Variants in XKR4 observed in about 807,000 individuals in gnomAD.
XKR4 encodes XK-related protein 4.
A neutral mutation model predicts 53.9 loss-of-function variants in XKR4; 12 were observed. The observed-to-expected ratio is 0.22, with a 90% confidence interval of 0.14 to 0.36. The LOEUF is 0.36. Among genes scored for constraint, XKR4 ranks in the 10% least tolerant of loss-of-function variants. The pLI, the probability that XKR4 is intolerant of heterozygous loss-of-function variation, is 1.00. For synonymous variants in XKR4, 354 were observed against 362.4 expected, an observed-to-expected ratio of 0.98 and a Z score of 0.26; for missense variants, 799 against 859.5, an observed-to-expected ratio of 0.93 and a Z score of 0.88.
rs1585598479 is a variant in XKR4, at chr8:55,481,160, T to C, written c.1007-42121T>C. 2.0e-5 allele frequency among the ~76,000 whole-genome samples: 3 copies of C among 150,466 alleles called. 1 individual carries two copies. On this transcript the variant is annotated intron_variant, in intron 2 of 2. Coordinates refer to ENST00000327381, the MANE Select transcript of XKR4 (RefSeq NM_052898.2). ...CTGACTTCAAACTATACTACAAGGC[T>C]ACAGTAAACAAAACAGCATGGTACT...
intron 1 of XKR4, among the ~76,000 whole-genome samples, chr8:55,198,611 A>G (rs964984233): frequency 2.0e-5 from 3 of 152,138 alleles, no homozygotes; most frequent in Admixed American, 1.3e-4. Flanking sequence ...TACACTTGTC[A>G]TCAGTTAGAA....
chr8:55,336,745 T>C (rs1803466785), intron 1 of XKR4, among the ~76,000 whole-genome samples: 1 of 152,198 alleles, frequency 6.6e-6, no homozygotes, highest in East Asian at 1.9e-4. Flanking sequence ...GGGAGAAAGA[T>C]ATTCCAGAGT....
chr8:55,204,957 C>T (rs1034972151), intron 1 of XKR4, among the ~76,000 whole-genome samples: 1 of 152,092 alleles, frequency 6.6e-6, no homozygotes, highest in Non-Finnish European at 1.5e-5. Flanking sequence ...CTGGGTGGGC[C>T]CTTGGTGCCT....
At chr8:55,161,703 G>A (rs903708507) in intron 1 of XKR4, 2 of 445,848 alleles carry the variant, frequency 4.5e-6, no homozygotes, top group Admixed American at 4.8e-5. Context: ...TGGTCACTGA[G>A]CAATTCCTCC....
intron 1 of XKR4, among the ~76,000 whole-genome samples, chr8:55,350,708 AGAGAT>A (rs1803712141): frequency 6.6e-6 from 1 of 151,080 alleles, no homozygotes; most frequent in Non-Finnish European, 1.5e-5. Context: ...TAGTGGATAT[AGAGAT>A]TATGTTTTCT....
chr8:55,186,957 G>C (rs958653827), intron 1 of XKR4, among the ~76,000 whole-genome samples: 1 of 151,942 alleles, frequency 6.6e-6, no homozygotes, highest in Non-Finnish European at 1.5e-5. Flanking sequence ...TATGATGGAA[G>C]ATAAACCTCT....
intron 1 of XKR4, among the ~76,000 whole-genome samples, chr8:55,249,877 C>A (rs1167950943): frequency 6.6e-6 from 1 of 152,094 alleles, no homozygotes; most frequent in Non-Finnish European, 1.5e-5. Flanking sequence ...TTAAATAGCA[C>A]CATTTGATTT....
At chr8:55,263,664 A>G (rs1818560063) in intron 1 of XKR4, among the ~76,000 whole-genome samples, 1 of 152,210 alleles carries the variant, frequency 6.6e-6, no homozygotes, top group East Asian at 1.9e-4. Flanking sequence ...CTGTATTCCA[A>G]TATATTGTGC....
chr8:55,189,973 T>A (rs2129360867), intron 1 of XKR4, among the ~76,000 whole-genome samples: 1 of 152,376 alleles, frequency 6.6e-6, no homozygotes. Context: ...CAGAAAGGTA[T>A]TCCTGAATTG....
intron 1 of XKR4, among the ~76,000 whole-genome samples, chr8:55,284,799 G>A (rs976860704): frequency 6.6e-6 from 1 of 152,170 alleles, no homozygotes; most frequent in African/African-American, 2.4e-5. Context: ...TCCACCTTCT[G>A]AGGGAGGATT....
chr8:55,149,500 G>T (rs998242594), intron 1 of XKR4, among the ~76,000 whole-genome samples: 1 of 152,174 alleles, frequency 6.6e-6, no homozygotes, highest in African/African-American at 2.4e-5. Flanking sequence ...GTGGTGGGGA[G>T]CCTTTGGCAT....
chr8:55,324,500 C>G (rs1417456398), intron 1 of XKR4, among the ~76,000 whole-genome samples: 1 of 152,204 alleles, frequency 6.6e-6, no homozygotes, highest in East Asian at 1.9e-4. Context: ...TTATTATCCT[C>G]TGAAGTACAC....
intron 1 of XKR4, among the ~76,000 whole-genome samples, chr8:55,266,369 C>G (rs920934850): frequency 1.1e-4 from 16 of 151,996 alleles, no homozygotes; most frequent in Admixed American, 9.8e-4. Flanking sequence ...CTGTCTCTGT[C>G]TTAGTGCATT....
In XKR4 at chr8:55,524,093, T is replaced by G; in HGVS notation, c.1819T>G (p.Trp607Gly). ...IDLFRNRYPA[W>G]ERHVLDRSLR... ...CTTGTTCAGGAATAGGTACCCAGCA[T>G]GGGAGAGACATGTTTTGGACCGAAG... The change falls in exon 3 of 3, where the codon TGG (tryptophan) becomes GGG (glycine). Residue 607 changes from tryptophan (W) to glycine (G), a missense_variant. Physicochemically the swap from Trp to Gly is radical, Grantham distance 184. Coordinates refer to ENST00000327381, the MANE Select transcript of XKR4 (RefSeq NM_052898.2). 6.2e-7 allele frequency: 1 copy of G among 1,614,246 alleles called. No homozygotes were observed. Among genetic ancestry groups the G allele is most frequent in the Non-Finnish European group, 8.5e-7 (1 of 1,180,048 alleles).
At chr8:55,504,192 G>GTTTTA (rs752619991) in intron 2 of XKR4, among the ~76,000 whole-genome samples, 1 of 89,422 alleles carries the variant, frequency 1.1e-5, no homozygotes, top group South Asian at 3.8e-4. Flanking sequence ...TGTTGTTTTT[G>GTTTTA]TTTTGTTTTG....
At chr8:55,355,506 T>C (rs762654470) in intron 1 of XKR4, among the ~76,000 whole-genome samples, 1 of 152,164 alleles carries the variant, frequency 6.6e-6, no homozygotes, top group East Asian at 1.9e-4. Context: ...AGCTATATAA[T>C]GAAGATACAT....
rs1707412795 is a variant in XKR4 at position 55,448,940 on chromosome 8, T to C, written c.1007-74341T>C. Among the ~76,000 whole-genome samples the C allele has an allele frequency of 2.6e-5, 4 of 152,218 alleles. No homozygotes were observed. In the South Asian group the frequency reaches 6.2e-4, roughly 24 times the overall value. ...TAAGCAACTGCCTGTAGCTCTGTGA[T>C]TGAGGCCTTACATATCTAAAAGAGC... On this transcript the variant is annotated intron_variant, in intron 2 of 2. Transcript: ENST00000327381.
chr8:55,349,595 C>A (rs1398112434), intron 1 of XKR4, among the ~76,000 whole-genome samples: 2 of 152,070 alleles, frequency 1.3e-5, no homozygotes, highest in East Asian at 3.9e-4. Flanking sequence ...TGAGGATCAG[C>A]GCCTGAAAAA....
intron 1 of XKR4, among the ~76,000 whole-genome samples, chr8:55,277,410 T>C (rs60905023): frequency 0.23 from 35,041 of 152,062 alleles, 4,409 homozygotes; most frequent in East Asian, 0.48. Context: ...GGACCAAAAG[T>C]GTTTCCATTT....
Sources: gnomAD v4.1 joint callset for allele counts (sites outside exome capture counted in the v4.1 genomes callset) on GRCh38, gnomAD v4.1.1 for gene constraint, MANE v1.5 for transcripts, NCBI Gene and HGNC (gene_info 2026-07-23, HGNC 2026-07-21) for gene names.